PFKFB3: variants seen among roughly 807,000 people sequenced by gnomAD.
PFKFB3 encodes 6-phosphofructo-2-kinase/fructose-2,6-bisphosphatase 3.
PFKFB3 carries 33 observed loss-of-function variants against 68.0 expected under a neutral mutation model. The observed-to-expected ratio is 0.49, with a 90% CI of 0.37 to 0.65. The LOEUF (loss-of-function observed/expected upper bound fraction) is 0.65. Among genes scored for constraint, PFKFB3 ranks in the 30% least tolerant of loss-of-function variants. The pLI is 0.00. For missense variants in PFKFB3, 586 were observed against 712.2 expected (o/e 0.82, Z 2.02); for synonymous variants, 315 against 288.2 (o/e 1.09, Z -0.94).
At chr10:6,285,319 T>G in the PFKFB3 span, among the ~76,000 whole-genome samples, 1 of 151,900 alleles carries the variant, frequency 6.6e-6, no homozygotes, top group East Asian at 1.9e-4. Flanking sequence ...CTGCAACTTC[T>G]GCCTCCTAGA....
chr10:6,317,357 C>A, the PFKFB3 span, among the ~76,000 whole-genome samples: 1 of 152,170 alleles, frequency 6.6e-6, no homozygotes, highest in Non-Finnish European at 1.5e-5. Context: ...AAGATAAATT[C>A]TCCTGGGATC....
At chr10:6,306,570 A>G in the PFKFB3 span, among the ~76,000 whole-genome samples, 1 of 152,256 alleles carries the variant, frequency 6.6e-6, no homozygotes, top group African/African-American at 2.4e-5. Context: ...ATTTCCCTAC[A>G]TATTAGATAT....
At chr10:6,171,730 C>T (rs1842318485) in intron 1 of PFKFB3, among the ~76,000 whole-genome samples, 1 of 152,228 alleles carries the variant, frequency 6.6e-6, no homozygotes, top group Admixed American at 6.5e-5. Flanking sequence ...CTATCATGTA[C>T]ATAATGTGTT....
intron 1 of PFKFB3, among the ~76,000 whole-genome samples, chr10:6,168,756 C>T (rs1842213113): frequency 6.6e-6 from 1 of 151,920 alleles, no homozygotes; most frequent in Non-Finnish European, 1.5e-5. Flanking sequence ...AGTGTATTTG[C>T]AGGTCTGTTT....
In PFKFB3 at chr10:6,216,116, G is replaced by A. The variant is rs1208952574; in HGVS notation, c.300-9G>A. 2 of 1,613,718 alleles carry A rather than the reference G, an allele frequency of 1.2e-6. No homozygotes were observed. Among genetic ancestry groups the A allele is most frequent in the East Asian group, 4.5e-5 (2 of 44,888 alleles). On this transcript the variant is annotated splice_polypyrimidine_tract_variant and intron_variant, in intron 3 of 14. Transcript: ENST00000379775. ...CGCTGACATTCGGGCAATGTCTTGT[G>A]CATTCCAGGCAATGTGCCTTAGCTG...
In PFKFB3 at chr10:6,222,848, T is replaced by C; in HGVS notation, c.1084-7T>C. 1 of 1,611,880 alleles carries C rather than the reference T, an allele frequency of 6.2e-7. No individual in the cohort carries two copies. Among genetic ancestry groups the C allele is most frequent in the Non-Finnish European group, 8.5e-7 (1 of 1,178,720 alleles). ...GAGCTCACGTGGGCCCGGCCCTCTG[T>C]GCTCAGTCCTACCAGGACCTGGTCC... On this transcript the variant is annotated splice_region_variant and splice_polypyrimidine_tract_variant and intron_variant, in intron 10 of 14. Transcript: ENST00000379775.
rs1253074973 is a variant in PFKFB3 at position 6,205,384 on chromosome 10, C to CT, written c.76+2050dup. Among the ~76,000 whole-genome samples the CT allele has an allele frequency of 2.7e-3, 278 of 101,518 alleles. 1 individual carries two copies. The highest frequency in any genetic ancestry group is 3.9e-3 in the Non-Finnish European group (206 of 52,964). The allele number at this position is 101,518 out of a possible 152,430, so 66.6% of individuals were successfully genotyped here. On this transcript the variant is annotated intron_variant, in intron 1 of 14. Coordinates refer to ENST00000379775, the MANE Select transcript of PFKFB3 (RefSeq NM_004566.4). ...TGGGACATTGGGTGGGTTTTTCTTT[C>CT]TTCCTTTTTTTTTTTTTTTTTTTTT...
intron 1 of PFKFB3, among the ~76,000 whole-genome samples, chr10:6,170,380 T>C (rs945899120): frequency 1.4e-4 from 21 of 151,994 alleles, no homozygotes; most frequent in African/African-American, 4.8e-4. Context: ...TTATGTTTTC[T>C]TTCTTGTTCC....
chr10:6,224,419 G>C, intron 13 of PFKFB3: 1 of 631,270 alleles, frequency 1.6e-6, no homozygotes, highest in Non-Finnish European at 2.8e-6. Flanking sequence ...CTTTCTTCCT[G>C]TGTCCTCTTC....
chr10:6,229,336 G>T lies in PFKFB3; in HGVS notation c.1515+2971G>T, dbSNP rs1172536548. On this transcript the variant is annotated intron_variant, in intron 14 of 14. Transcript: ENST00000379775. The surrounding 1 kb of genome is among the most constrained non-coding windows in gnomAD (Gnocchi z 4.3). Reference sequence around the variant, plus strand: ...TTGAGGGGCTGAGTGACCGGCCCGTGCTTCCAGCAGGTGAGCCGCAGAGCC... The same window carrying T: ...TTGAGGGGCTGAGTGACCGGCCCGTTCTTCCAGCAGGTGAGCCGCAGAGCC... Among the ~76,000 whole-genome samples the T allele has an allele frequency of 6.6e-6, 1 of 152,188 alleles. No homozygotes were observed. The highest frequency in any genetic ancestry group is 1.5e-5 in the Non-Finnish European group (1 of 68,034).
the PFKFB3 span, among the ~76,000 whole-genome samples, chr10:6,302,751 C>T: frequency 1.6e-3 from 16 of 10,074 alleles, no homozygotes; most frequent in Non-Finnish European, 0.016. Flanking sequence ...TGTGTGTATA[C>T]ACACACACAC....
At chr10:6,217,352 C>T (rs963561450) in intron 6 of PFKFB3, among the ~76,000 whole-genome samples, 161 bp downstream of exon 6, 4 of 152,184 alleles carry the variant, frequency 2.6e-5, no homozygotes, top group African/African-American at 9.7e-5. Flanking sequence ...ACCTACAGAG[C>T]GGTTTTTAAC....
At chr10:6,222,823 G>A (rs1267283699) in intron 10 of PFKFB3, 32 bp from the exon 11 acceptor site, 1 of 1,596,234 alleles carries the variant, frequency 6.3e-7, no homozygotes, top group African/African-American at 1.3e-5. Flanking sequence ...CGAGTGCCCT[G>A]AGCTCACGTG....
rs145567510 is a variant in PFKFB3 at position 6,220,667 on chromosome 10, G to A, written c.633G>A (p.Ser211=). ...TGGGGTCTCTCTGCAGGGACTTGTC[G>A]CTGATCAAGGTGATTGACGTGGGCC... ...LDPDKCDRDL[S]LIKVIDVGRR... is the part of the protein sequence containing the mutation. The change falls in exon 8 of 15, where the codon TCG becomes TCA. Residue 211 remains serine (S), a synonymous_variant. Transcript: ENST00000379775. This position sits in a 1 kb window ranked among gnomAD's most constrained non-coding sequence, Gnocchi z 4.1. 4.2e-4 allele frequency: 677 copies of A among 1,613,814 alleles called. No individual in the cohort carries two copies. Among genetic ancestry groups the A allele is most frequent in the Middle Eastern group, 8.2e-4 (5 of 6,062 alleles).
At chr10:6,236,575 T>C (rs1487072216), downstream of PFKFB3, among the ~76,000 whole-genome samples, 1 of 152,208 alleles carries the variant, frequency 6.6e-6, no homozygotes, top group Non-Finnish European at 1.5e-5. Flanking sequence ...CTCCCAGGGT[T>C]GCGATCTGGC....
At chr10:6,261,613 C>T in the PFKFB3 span, among the ~76,000 whole-genome samples, 2 of 151,948 alleles carry the variant, frequency 1.3e-5, no homozygotes, top group African/African-American at 4.8e-5. Flanking sequence ...AATCCCAGCA[C>T]TTTGGGAGGC....
the PFKFB3 span, chr10:6,293,741 A>T: frequency 1.5e-5 from 5 of 337,006 alleles, no homozygotes; most frequent in Admixed American, 1.7e-4. Flanking sequence ...ATGGACGTAG[A>T]AATCTTCTCT....
At chr10:6,191,129 C>T (rs766251058) in intron 1 of PFKFB3, among the ~76,000 whole-genome samples, 1 of 152,134 alleles carries the variant, frequency 6.6e-6, no homozygotes, top group South Asian at 2.1e-4. Flanking sequence ...ACATGACATA[C>T]GAAATAACAA....
intron 14 of PFKFB3, among the ~76,000 whole-genome samples, chr10:6,230,253 G>A (rs1334970851): frequency 1.3e-5 from 2 of 152,154 alleles, no homozygotes; most frequent in South Asian, 2.1e-4. Flanking sequence ...CATCCTGGGT[G>A]CGTGACCCCA....
Sources: gnomAD v4.1 joint callset for allele counts (sites outside exome capture counted in the v4.1 genomes callset) on GRCh38, gnomAD v4.1.1 for gene constraint, Gnocchi (gnomAD v3.1) non-coding constraint, MANE v1.5 for transcripts, NCBI Gene and HGNC (gene_info 2026-07-23, HGNC 2026-07-21) for gene names.